PAM: variants seen among roughly 807,000 people sequenced by gnomAD.
PAM encodes peptidylglycine alpha-amidating monooxygenase.
A neutral mutation model predicts 122.1 loss-of-function variants in PAM; 72 were observed. The ratio of observed to expected loss-of-function variants is 0.59; its 90% CI spans 0.49 to 0.72. The LOEUF is 0.72. PAM is among the 30% of genes least tolerant of loss of function. PAM has a pLI of 0.00. For missense variants in PAM, 1,106 were observed against 1,183.7 expected (o/e 0.93, Z 0.96); for synonymous variants, 389 against 404.4 (o/e 0.96, Z 0.46).
chr5:102,848,328 G>C (rs1215042107), intron 1 of PAM, among the ~76,000 whole-genome samples: 1 of 152,170 alleles, frequency 6.6e-6, no homozygotes, highest in Non-Finnish European at 1.5e-5. Flanking sequence ...ATGAGATACT[G>C]TTGGTGCCTA....
At chr5:102,931,050 A>G (rs2151795725) in intron 7 of PAM, among the ~76,000 whole-genome samples, 1 of 152,266 alleles carries the variant, frequency 6.6e-6, no homozygotes, top group Non-Finnish European at 1.5e-5. Flanking sequence ...TCATAGTGGT[A>G]TCATAAAGGT....
chr5:102,870,775 G>C (rs1787167217), intron 3 of PAM, among the ~76,000 whole-genome samples: 1 of 152,146 alleles, frequency 6.6e-6, no homozygotes, highest in Admixed American at 6.5e-5. Context: ...ATAAAGTCAG[G>C]ATCTGGTGTT....
Position 102,783,512 on chromosome 5 carries a change from T to C in PAM, c.-374+28164T>C, listed in dbSNP as rs116278839. 9.9e-3 allele frequency among the ~76,000 whole-genome samples: 1,502 copies of C among 152,258 alleles called. 43 individuals carry two copies. Among genetic ancestry groups the C allele is most frequent in the South Asian group, 0.092 (446 of 4,822 alleles). ...CCCTTTATTTGGTCCCCACTGAAGT[T>C]TTCCCACCGTAAGACAAGGTTCATA... On this transcript the variant is annotated intron_variant, in intron 1 of 25. Coordinates refer to ENST00000438793, the MANE Select transcript of PAM (RefSeq NM_001177306.2).
chr5:102,759,506 T>C (rs1373079048), intron 1 of PAM, among the ~76,000 whole-genome samples: 1 of 152,222 alleles, frequency 6.6e-6, no homozygotes, highest in Non-Finnish European at 1.5e-5. Context: ...CAGGTTGGGA[T>C]GCAGGCCAAG....
intron 23 of PAM, among the ~76,000 whole-genome samples, chr5:103,022,070 A>G (rs956330274): frequency 2.0e-5 from 3 of 152,022 alleles, no homozygotes; most frequent in Non-Finnish European, 4.4e-5. Flanking sequence ...AGGTATAGCA[A>G]TATCTCACCA....
chr5:102,757,323 C>T (rs1334614049), intron 1 of PAM, among the ~76,000 whole-genome samples: 11 of 112,584 alleles, frequency 9.8e-5, no homozygotes, highest in Non-Finnish European at 1.5e-4. Context: ...GAGACTCTCT[C>T]AAAAAAAGAT....
intron 1 of PAM, among the ~76,000 whole-genome samples, chr5:102,780,831 CTTTCTCTGTCTT>C (rs1758721636): frequency 1.7e-5 from 2 of 115,640 alleles, no homozygotes; most frequent in African/African-American, 3.3e-5. Context: ...TTCTTTCTTT[CTTTCTCTGTCTT>C]TCTCTCTCTC....
intron 7 of PAM, among the ~76,000 whole-genome samples, chr5:102,931,679 C>G (rs569888582): frequency 6.6e-6 from 1 of 152,320 alleles, no homozygotes; most frequent in Non-Finnish European, 1.5e-5. Context: ...AGGTCAGGGT[C>G]TCTTCCCAAA....
At position 102,974,166 on chromosome 5, in the gene PAM, G is replaced by T; in HGVS notation, c.1213G>T (p.Val405Phe). ...GCTGCTAGGAGAAAGGGAAGATGTT[G>T]TTCATGTGCACAAATATAATCCTAC... ...SKLLGEREDV[V>F]HVHKYNPTEK... is the part of the protein sequence containing the mutation. The change falls in exon 15 of 26, where the codon GTT becomes TTT. Residue 405 changes from valine (V) to phenylalanine (F), a missense_variant. Coordinates refer to ENST00000438793, the MANE Select transcript of PAM (RefSeq NM_001177306.2). 2.5e-6 allele frequency: 4 copies of T among 1,613,854 alleles called. No homozygotes were observed. The highest frequency in any genetic ancestry group is 3.4e-6 in the Non-Finnish European group (4 of 1,179,820).
At chr5:102,911,792 G>A (rs1420072795) in intron 4 of PAM, among the ~76,000 whole-genome samples, 1 of 151,668 alleles carries the variant, frequency 6.6e-6, no homozygotes, top group African/African-American at 2.4e-5. Flanking sequence ...AAATGTCTTT[G>A]CCTTGTTTAA....
intron 14 of PAM, among the ~76,000 whole-genome samples, chr5:102,971,583 G>A (rs998996185): frequency 6.6e-6 from 1 of 152,082 alleles, no homozygotes; most frequent in African/African-American, 2.4e-5. Flanking sequence ...TTAGTGGGGA[G>A]GGAGTGGTCC....
chr5:103,006,655 C>A, intron 18 of PAM, 146 bp from the exon 19 acceptor site: 1 of 618,144 alleles, frequency 1.6e-6, no homozygotes, highest in Non-Finnish European at 2.9e-6. Context: ...GGATCCCGTT[C>A]AGTTCTAACA....
intron 1 of PAM, among the ~76,000 whole-genome samples, chr5:102,852,271 G>A (rs1317046692): frequency 6.6e-6 from 1 of 152,022 alleles, no homozygotes; most frequent in Non-Finnish European, 1.5e-5. Context: ...TTATTTTAAA[G>A]CTTTATTTTG....
chr5:102,845,173 T>A (rs1779668622), intron 1 of PAM, among the ~76,000 whole-genome samples: 1 of 152,206 alleles, frequency 6.6e-6, no homozygotes, highest in Non-Finnish European at 1.5e-5. Flanking sequence ...CTAAGGTGAC[T>A]TTTAAAATGG....
At chr5:102,772,079 G>T (rs775983309) in intron 1 of PAM, among the ~76,000 whole-genome samples, 1 of 152,046 alleles carries the variant, frequency 6.6e-6, no homozygotes, top group South Asian at 2.1e-4. Context: ...ACTGAAAAAC[G>T]CTCTGAGTGC....
intron 7 of PAM, among the ~76,000 whole-genome samples, chr5:102,935,811 T>G (rs887158072): frequency 6.6e-6 from 1 of 152,152 alleles, no homozygotes; most frequent in Non-Finnish European, 1.5e-5. Flanking sequence ...TAGATCAGGA[T>G]TTCTCAAAAT....
chr5:102,990,397 G>A lies in PAM; in HGVS notation c.1609G>A (p.Gly537Arg). The change falls in exon 16 of 26, where the codon GGA (glycine) becomes AGA (arginine). Residue 537 changes from glycine to arginine, a missense_variant. Coordinates refer to ENST00000438793, the MANE Select transcript of PAM (RefSeq NM_001177306.2). ...CCACAGAGGTGACCATGTCTGGGAT[G>A]GAAAGTAAGTAATATTTTTTCTTCA... ...IFHRGDHVWDGNSFDSKFVYQ... is the reference protein window; with the variant it reads ...IFHRGDHVWDRNSFDSKFVYQ... 2 of 1,581,068 alleles carry A rather than the reference G, an allele frequency of 1.3e-6. No individual in the cohort carries two copies. Among genetic ancestry groups the A allele is most frequent in the Non-Finnish European group, 8.6e-7 (1 of 1,161,234 alleles).
chr5:102,887,580 A>G (rs1000262981), intron 3 of PAM, among the ~76,000 whole-genome samples: 2 of 152,028 alleles, frequency 1.3e-5, no homozygotes, highest in African/African-American at 4.8e-5. Flanking sequence ...CTTCAAAGAA[A>G]TTTATAGTGT....
At chr5:102,983,216 G>A (rs902276066) in intron 15 of PAM, among the ~76,000 whole-genome samples, 4 of 151,876 alleles carry the variant, frequency 2.6e-5, no homozygotes, top group Admixed American at 6.6e-5. Context: ...AGGCTGAGGC[G>A]GGTAGATTGC....
Sources: gnomAD v4.1 joint callset for allele counts (sites outside exome capture counted in the v4.1 genomes callset) on GRCh38, gnomAD v4.1.1 for gene constraint, MANE v1.5 for transcripts, NCBI Gene and HGNC (gene_info 2026-07-23, HGNC 2026-07-21) for gene names.